Variants in SAMTOR observed in about 807,000 individuals in gnomAD.
SAMTOR encodes S-adenosylmethionine sensor upstream of mTORC1.
chr7:112,875,708 T>C, the SAMTOR span, among the ~76,000 whole-genome samples: 118 of 152,264 alleles, frequency 7.7e-4, 1 homozygote, highest in Non-Finnish European at 9.4e-4. Context: ...ACCCTTAACA[T>C]TGCACAAATC....
chr7:112,843,360 TATA>T, the SAMTOR span, among the ~76,000 whole-genome samples: 1 of 151,980 alleles, frequency 6.6e-6, no homozygotes, highest in African/African-American at 2.4e-5. Context: ...GATTCAGCAA[TATA>T]ATGACTACCA....
the SAMTOR span, among the ~76,000 whole-genome samples, chr7:112,870,468 T>C: frequency 2.6e-5 from 4 of 151,984 alleles, no homozygotes; most frequent in Admixed American, 2.6e-4. Flanking sequence ...GAAGGAGAAA[T>C]AAAGTATTTT....
At chr7:112,864,137 C>T in the SAMTOR span, among the ~76,000 whole-genome samples, 3 of 152,118 alleles carry the variant, frequency 2.0e-5, no homozygotes, top group African/African-American at 4.8e-5. Flanking sequence ...AGCAAACTAA[C>T]GCAGGAACAG....
the SAMTOR span, among the ~76,000 whole-genome samples, chr7:112,859,915 A>G: frequency 3.3e-5 from 5 of 152,206 alleles, no homozygotes; most frequent in Non-Finnish European, 7.4e-5. Flanking sequence ...TTAAGTGCAC[A>G]GTGTTTATAA....
the SAMTOR span, among the ~76,000 whole-genome samples, chr7:112,923,622 G>C: frequency 4.6e-5 from 7 of 152,282 alleles, no homozygotes; most frequent in South Asian, 2.1e-4. Flanking sequence ...AACCATTGTG[G>C]AAGTCAGTGT....
chr7:112,849,327 G>T, the SAMTOR span, among the ~76,000 whole-genome samples: 1 of 152,174 alleles, frequency 6.6e-6, no homozygotes, highest in African/African-American at 2.4e-5. Context: ...GTTTGGTACA[G>T]TAAAAAAAGG....
At chr7:112,835,493 A>C in the SAMTOR span, among the ~76,000 whole-genome samples, 3 of 152,112 alleles carry the variant, frequency 2.0e-5, no homozygotes, top group African/African-American at 7.2e-5. Context: ...TTCTTTTATA[A>C]ACTTTTATTT....
chr7:112,842,379 G>C, the SAMTOR span, among the ~76,000 whole-genome samples: 2 of 151,936 alleles, frequency 1.3e-5, no homozygotes, highest in African/African-American at 4.8e-5. Context: ...AATTCTATAA[G>C]AGGAGTGTAA....
At chr7:112,917,534 A>T in the SAMTOR span, among the ~76,000 whole-genome samples, 1 of 152,246 alleles carries the variant, frequency 6.6e-6, no homozygotes, top group Non-Finnish European at 1.5e-5. Flanking sequence ...TCTAAAAAGC[A>T]GAGCGCCTCT....
chr7:112,822,257 T>A, the SAMTOR span: 2 of 1,613,456 alleles, frequency 1.2e-6, no homozygotes. Flanking sequence ...GGAAAAGCTC[T>A]CCAGGAAGAG....
chr7:112,827,142 T>C, the SAMTOR span, among the ~76,000 whole-genome samples: 1 of 152,214 alleles, frequency 6.6e-6, no homozygotes. Context: ...CTCCATCTTA[T>C]TGCTTTCACT....
the SAMTOR span, among the ~76,000 whole-genome samples, chr7:112,858,692 G>A: frequency 6.6e-6 from 1 of 152,046 alleles, no homozygotes; most frequent in Non-Finnish European, 1.5e-5. Flanking sequence ...GAAACATTTG[G>A]CTTTCAAGTT....
At chr7:112,824,684 T>G in the SAMTOR span, among the ~76,000 whole-genome samples, 6 of 152,018 alleles carry the variant, frequency 3.9e-5, no homozygotes, top group South Asian at 1.2e-3. Flanking sequence ...TTATATGGAG[T>G]GTGGTATGGT....
the SAMTOR span, among the ~76,000 whole-genome samples, chr7:112,915,786 A>C: frequency 3.9e-5 from 6 of 152,236 alleles, no homozygotes; most frequent in East Asian, 1.2e-3. Flanking sequence ...ATCAGTTAAT[A>C]ATCCAAAGAC....
chr7:112,907,842 CTTATTTAT>C, the SAMTOR span, among the ~76,000 whole-genome samples: 2,716 of 146,424 alleles, frequency 0.019, 26 homozygotes, highest in Non-Finnish European at 0.025. Flanking sequence ...TTCTTACTTA[CTTATTTAT>C]TTATTTATTT....
At chr7:112,823,084 T>A in the SAMTOR span, among the ~76,000 whole-genome samples, 16 of 152,252 alleles carry the variant, frequency 1.1e-4, no homozygotes, top group Admixed American at 2.6e-4. Context: ...CTCTATCATA[T>A]ACCAATAGTT....
At chr7:112,882,782 AAAAAG>A in the SAMTOR span, among the ~76,000 whole-genome samples, 2 of 151,784 alleles carry the variant, frequency 1.3e-5, no homozygotes, top group East Asian at 3.9e-4. Context: ...AAAAAAAAAA[AAAAAG>A]AAAAGGACAT....
At chr7:112,835,369 G>GT in the SAMTOR span, among the ~76,000 whole-genome samples, 1 of 152,076 alleles carries the variant, frequency 6.6e-6, no homozygotes, top group Non-Finnish European at 1.5e-5. Flanking sequence ...GTAGATAGAA[G>GT]TGGGCAAGTG....
At chr7:112,894,139 T>A in the SAMTOR span, among the ~76,000 whole-genome samples, 1 of 130,998 alleles carries the variant, frequency 7.6e-6, no homozygotes, top group Non-Finnish European at 1.5e-5. Flanking sequence ...TCTTATGGAA[T>A]AGAGAGGCCT....
Sources: allele counts gnomAD v4.1 joint callset (sites outside exome capture counted in the v4.1 genomes callset), GRCh38; gene constraint gnomAD v4.1.1; transcripts MANE v1.5; gene names NCBI Gene and HGNC (gene_info 2026-07-23, HGNC 2026-07-21).